Variants in DUSP1 observed in about 807,000 individuals in gnomAD.
DUSP1 encodes dual specificity protein phosphatase 1.
In DUSP1, 10 loss-of-function variants were observed where a neutral mutation model predicts 27.4. The ratio of observed to expected loss-of-function variants is 0.37; its 90% CI spans 0.23 to 0.62. The LOEUF (loss-of-function observed/expected upper bound fraction) is 0.62, where lower values mean the gene tolerates loss of function less well. DUSP1 is among the 20% of genes least tolerant of loss of function. DUSP1 has a pLI of 0.68. For synonymous variants in DUSP1, 262 were observed against 223.6 expected (o/e 1.17, Z -1.53); for missense variants, 425 against 508.1 (o/e 0.84, Z 1.57).
rs145742179 is a variant in DUSP1 at position 172,768,921 on chromosome 5, C to T, written c.945G>A (p.Pro315=). 1.6e-5 allele frequency: 26 copies of T among 1,613,804 alleles called. No individual in the cohort carries two copies. The highest frequency in any genetic ancestry group is 1.6e-4 in the Middle Eastern group (1 of 6,080). The change falls in exon 4 of 4, where the codon CCG becomes CCA. Residue 315 remains proline (P), a synonymous_variant. Coordinates refer to ENST00000239223, the MANE Select transcript of DUSP1 (RefSeq NM_004417.4). ...GGCTCCCAGCCTCTGCCGAACAGTG[C>T]GGAGCCAGCACCTGGGACTCAAACT... is the stretch of plus-strand genomic sequence containing the variant. ...LLQFESQVLA[P]HCSAEAGSPA... is the part of the protein sequence containing the mutation.
Position 172,769,557 on chromosome 5 carries a change from G to A in DUSP1, c.733+18C>T. 6.2e-7 allele frequency: 1 copy of A among 1,613,396 alleles called. No individual in the cohort carries two copies. The highest frequency in any genetic ancestry group is 8.5e-7 in the Non-Finnish European group (1 of 1,179,378). ...AGAAGAGAAAGGCAGAAAAGCCCCA[G>A]GCATCCATTCCATTTACCTATGAAG... On this transcript the variant is annotated intron_variant, in intron 3 of 3. Transcript: ENST00000239223.
rs946850712 is a variant in DUSP1, at chr5:172,768,614, A to G, written c.*148T>C. On this transcript the variant is annotated 3_prime_UTR_variant, in exon 4 of 4. Coordinates refer to ENST00000239223, the MANE Select transcript of DUSP1 (RefSeq NM_004417.4). ...AATGTCTTGACGCTAAGTCATCACCATAACTGCTTAGAAACCCAGAGGAAC... is the reference window on the plus strand; with the variant it reads ...AATGTCTTGACGCTAAGTCATCACCGTAACTGCTTAGAAACCCAGAGGAAC... The G allele has an allele frequency of 6.9e-6, 8 of 1,153,608 alleles. No homozygotes were observed. The South Asian group carries it at 7.3e-5, about 10-fold the overall frequency. The allele number at this position is 1,153,608 out of a possible 1,614,324, so 71.5% of individuals were successfully genotyped here.
At chr5:172,769,261 C>T in intron 3 of DUSP1, 129 bp from the exon 4 acceptor site, 1 of 1,397,510 alleles carries the variant, frequency 7.2e-7, no homozygotes, top group Non-Finnish European at 9.5e-7. Flanking sequence ...CATGCCATCA[C>T]ATGGATACTG....
In DUSP1 at chr5:172,770,209, G is replaced by A. The variant is rs746791661; in HGVS notation, c.465C>T (p.Asp155=). 1 of 1,604,308 alleles carries A rather than the reference G, an allele frequency of 6.2e-7. No homozygotes were observed. The highest frequency in any genetic ancestry group is 1.1e-5 in the South Asian group (1 of 89,682). Reference sequence around the variant, plus strand: ...AGGAACTGCACCCAGATTCCGCGCTGTCAGGGACGCTAGTACTCAGGGGAA... The same window carrying A: ...AGGAACTGCACCCAGATTCCGCGCTATCAGGGACGCTAGTACTCAGGGGAA... ...LSLPLSTSVP[D]SAESGCSSCS... Residue 155 remains aspartate (D), a synonymous_variant, in exon 2 of 4, where the codon GAC becomes GAT. Coordinates refer to ENST00000239223, the MANE Select transcript of DUSP1 (RefSeq NM_004417.4).
At position 172,768,493 on chromosome 5, in the gene DUSP1, C is replaced by T. The variant is rs1561676236; in HGVS notation, c.*269G>A. 2 of 344,752 alleles carry T rather than the reference C, an allele frequency of 5.8e-6. No individual in the cohort carries two copies. Among genetic ancestry groups the T allele is most frequent in the Non-Finnish European group, 1.0e-5 (2 of 194,570 alleles). 21.4% of individuals were successfully genotyped at this position (344,752 alleles called of 1,614,324 possible). ...AAAACAGGGGCGAGCAAAAAGAAAC[C>T]GGATCACACACTGAGTCCTTTCTCT... On this transcript the variant is annotated 3_prime_UTR_variant, in exon 4 of 4. Transcript: ENST00000239223.
chr5:172,769,033 C>T lies in DUSP1; in HGVS notation c.833G>A (p.Arg278Gln), dbSNP rs1437356362. ...ICLAYLMRTN[R>Q]VKLDEAFEFV... ...CTCAAAGGCCTCGTCCAGCTTGACT[C>T]GATTAGTCCTCATAAGGTAAGCAAG... The change falls in exon 4 of 4, where the codon CGA (arginine) becomes CAA (glutamine). Residue 278 changes from arginine (R) to glutamine (Q), a missense_variant. Around this residue, in one of 3 missense-constraint regions of DUSP1, gnomAD observed 59 missense variants for 108.4 expected, o/e 0.54. Coordinates refer to ENST00000239223, the MANE Select transcript of DUSP1 (RefSeq NM_004417.4). 16 of 1,614,050 alleles carry T rather than the reference C, an allele frequency of 9.9e-6. No homozygotes were observed. Among genetic ancestry groups the T allele is most frequent in the Admixed American group, 1.7e-5 (1 of 60,006 alleles).
In DUSP1 at chr5:172,770,322, C is replaced by T; in HGVS notation, c.368-16G>A. On this transcript the variant is annotated splice_polypyrimidine_tract_variant and intron_variant, in intron 1 of 3. Coordinates refer to ENST00000239223, the MANE Select transcript of DUSP1 (RefSeq NM_004417.4). ...TCGTATCCTCCTGGGAATACAAAGA[C>T]ATTTTTTTTCCCCATTAGTGACACC... is the stretch of plus-strand genomic sequence containing the variant. The T allele has an allele frequency of 1.2e-6, 2 of 1,610,186 alleles. No individual in the cohort carries two copies. The highest frequency in any genetic ancestry group is 1.7e-4 in the Middle Eastern group (1 of 6,024).
chr5:172,770,378 C>G (rs776827053), intron 1 of DUSP1, 72 bp from the exon 2 acceptor site: 12 of 1,593,854 alleles, frequency 7.5e-6, no homozygotes, highest in African/African-American at 1.4e-5. Flanking sequence ...AACTCCCCCA[C>G]CCACCAAGGG....
Position 172,770,967 on chromosome 5 carries a change from C to A in DUSP1, c.-15G>T, listed in dbSNP as rs1452356842. On this transcript the variant is annotated 5_prime_UTR_variant, in exon 1 of 4. Coordinates refer to ENST00000239223, the MANE Select transcript of DUSP1 (RefSeq NM_004417.4). ...TCCATGACCATGGCCGGCCTCAGCGCCCCCAGCGTGATCGGCCCTGCGGTG... is the reference window on the plus strand; with the variant it reads ...TCCATGACCATGGCCGGCCTCAGCGACCCCAGCGTGATCGGCCCTGCGGTG... 1.1e-5 allele frequency: 16 copies of A among 1,463,904 alleles called. No homozygotes were observed. The Middle Eastern group carries it at 1.5e-3, about 141-fold the overall frequency. The allele number at this position is 1,463,904 out of a possible 1,614,324, so 90.7% of individuals were successfully genotyped here.
chr5:172,768,660 A>AAGGACCAGCCCTCTCG lies in DUSP1; in HGVS notation c.*86_*101dup. ...GGAACTCGGGTGAAGTTAAATAAAT[A>AAGGACCAGCCCTCTCG]AGGACCAGCCCTCTCGAGCCCCTCC... On this transcript the variant is annotated 3_prime_UTR_variant, in exon 4 of 4. Transcript: ENST00000239223. 7 of 1,381,040 alleles carry AAGGACCAGCCCTCTCG rather than the reference A, an allele frequency of 5.1e-6. No individual in the cohort carries two copies. The South Asian group carries it at 1.3e-4, about 26-fold the overall frequency. The allele number at this position is 1,381,040 out of a possible 1,614,324, so 85.5% of individuals were successfully genotyped here. A position where few individuals can be genotyped will look rare whatever the true frequency, so the allele number is the denominator to read the frequency against.
chr5:172,768,878 C>T lies in DUSP1; in HGVS notation c.988G>A (p.Asp330Asn), dbSNP rs1349441700. 9 of 1,611,012 alleles carry T rather than the reference C, an allele frequency of 5.6e-6. No individual in the cohort carries two copies. The highest frequency in any genetic ancestry group is 2.2e-5 in the East Asian group (1 of 44,864). The part of the protein sequence containing the change: ...EAGSPAMAVL[D>N]RGTSTTTVFN... The stretch of plus-strand genomic sequence containing the variant: ...ACGGTGGTGGTGGAGGTGCCTCGGT[C>T]GAGCACAGCCATGGCGGGGCTCCCA... Residue 330 changes from aspartate (D) to asparagine (N), a missense_variant, in exon 4 of 4, where the codon GAC (aspartate) becomes AAC (asparagine). Transcript: ENST00000239223.
chr5:172,769,303 G>T (rs1309092523), intron 3 of DUSP1, among the ~76,000 whole-genome samples, 171 bp from the exon 4 acceptor site: 4 of 152,198 alleles, frequency 2.6e-5, no homozygotes, highest in African/African-American at 9.7e-5. Context: ...CTGTGCAAAG[G>T]ATGGCACAGG....
At chr5:172,770,529 G>A in intron 1 of DUSP1, 57 bp downstream of exon 1, 1 of 1,459,628 alleles carries the variant, frequency 6.9e-7, no homozygotes, top group Admixed American at 2.8e-5. Context: ...AGAGCCAGGG[G>A]TACCGGGCAA....
Position 172,768,587 on chromosome 5 carries a change from C to T in DUSP1, c.*175G>A. 1.2e-6 allele frequency: 1 copy of T among 867,414 alleles called. No individual in the cohort carries two copies. The allele number at this position is 867,414 out of a possible 1,614,324, so 53.7% of individuals were successfully genotyped here. On this transcript the variant is annotated 3_prime_UTR_variant, in exon 4 of 4. Coordinates refer to ENST00000239223, the MANE Select transcript of DUSP1 (RefSeq NM_004417.4). ...TTGGTCCCGAATGTGCTGAGTTCAG[C>T]AAATGTCTTGACGCTAAGTCATCAC...
Position 172,769,136 on chromosome 5 carries a change from GAA to G in DUSP1, c.734-6_734-5del. On this transcript the variant is annotated splice_region_variant and splice_polypyrimidine_tract_variant and intron_variant, in intron 3 of 3. Transcript: ENST00000239223. ...CCTCCAGCATTCTTGATGGAGTCTG[GAA>G]AACCAAAGGAGCGGCTGGTTACTTG... is the stretch of plus-strand genomic sequence containing the variant. 1 of 1,601,416 alleles carries G rather than the reference GAA, an allele frequency of 6.2e-7. No individual in the cohort carries two copies. Among genetic ancestry groups the G allele is most frequent in the South Asian group, 1.1e-5 (1 of 90,756 alleles).
In DUSP1 at chr5:172,770,974, CG is replaced by C; in HGVS notation, c.-23del. ...CCATGGCCGGCCTCAGCGCCCCCAG[CG>C]TGATCGGCCCTGCGGTGCTCTTTGT... is the stretch of plus-strand genomic sequence containing the variant. On this transcript the variant is annotated 5_prime_UTR_variant, in exon 1 of 4. Transcript: ENST00000239223. 6.9e-7 allele frequency: 1 copy of C among 1,457,486 alleles called. No homozygotes were observed. Among genetic ancestry groups the C allele is most frequent in the Non-Finnish European group, 9.0e-7 (1 of 1,108,032 alleles). The allele number at this position is 1,457,486 out of a possible 1,614,324, so 90.3% of individuals were successfully genotyped here.
Position 172,770,582 on chromosome 5 carries a change from G to A in DUSP1, c.367+4C>T. 1 of 1,394,134 alleles carries A rather than the reference G, an allele frequency of 7.2e-7. No homozygotes were observed. The highest frequency in any genetic ancestry group is 1.8e-5 in the South Asian group (1 of 55,564). The allele number at this position is 1,394,134 out of a possible 1,614,324, so 86.4% of individuals were successfully genotyped here. The stretch of plus-strand genomic sequence containing the variant: ...GCCCGCCCCGAGCTTCCCCGAGGGC[G>A]TACCTTTGAGGAAGAAGACTTGCGC... On this transcript the variant is annotated splice_donor_region_variant and intron_variant, in intron 1 of 3. Coordinates refer to ENST00000239223, the MANE Select transcript of DUSP1 (RefSeq NM_004417.4).
intron 2 of DUSP1, 64 bp downstream of exon 2, chr5:172,770,097 G>A: frequency 6.6e-7 from 1 of 1,519,724 alleles, no homozygotes; most frequent in Non-Finnish European, 8.8e-7. Context: ...TATTCTCCCT[G>A]GCACTACTCT....
Position 172,768,230 on chromosome 5 carries a change from A to G in DUSP1, c.*532T>C, listed in dbSNP as rs957138070. On this transcript the variant is annotated 3_prime_UTR_variant, in exon 4 of 4. Coordinates refer to ENST00000239223, the MANE Select transcript of DUSP1 (RefSeq NM_004417.4). ...CAAACATACAACTGTTGGCAACTAA[A>G]AAAAAACCCAACACTGGTATTTTCC... is the stretch of plus-strand genomic sequence containing the variant. The G allele has an allele frequency of 4.6e-5, 7 of 152,676 alleles. No individual in the cohort carries two copies. Among genetic ancestry groups the G allele is most frequent in the African/African-American group, 1.7e-4 (7 of 41,414 alleles). 9.5% of individuals were successfully genotyped at this position (152,676 alleles called of 1,614,324 possible). A position where few individuals can be genotyped will look rare whatever the true frequency, so the allele number is the denominator to read the frequency against.
Sources: allele counts gnomAD v4.1 joint callset (sites outside exome capture counted in the v4.1 genomes callset), GRCh38; gene constraint gnomAD v4.1.1; regional missense constraint gnomAD v4.1.1; transcripts MANE v1.5; gene names NCBI Gene and HGNC (gene_info 2026-07-23, HGNC 2026-07-21).